Variants in ABCC6 observed in about 807,000 individuals in gnomAD.
ABCC6 encodes the protein ATP-binding cassette sub-family C member 6.
A neutral mutation model predicts 169.5 loss-of-function variants in ABCC6; 126 were observed. The observed-to-expected ratio is 0.74, with a 90% CI of 0.64 to 0.86. The LOEUF (loss-of-function observed/expected upper bound fraction) is 0.86. Among genes scored for constraint, ABCC6 ranks in the 40% least tolerant of loss-of-function variants. The pLI is 0.00. For synonymous variants in ABCC6, 752 were observed against 814.7 expected (o/e 0.92, Z 1.31); for missense variants, 1,733 against 1,927.2 (o/e 0.90, Z 1.89).
Position 16,150,010 on chromosome 16 carries a change from G to T in ABCC6, c.*123C>A. On this transcript the variant is annotated 3_prime_UTR_variant, in exon 31 of 31. Transcript: ENST00000205557. Reference sequence around the variant, plus strand: ...CACTTTCTCTGCCATTTTCCTCCCAGAGAGCAAACACAGGTCTAGACTCAA... The same window carrying T: ...CACTTTCTCTGCCATTTTCCTCCCATAGAGCAAACACAGGTCTAGACTCAA... The T allele has an allele frequency of 6.9e-7, 1 of 1,449,254 alleles. No individual in the cohort carries two copies. The highest frequency in any genetic ancestry group is 9.5e-7 in the Non-Finnish European group (1 of 1,056,462). 89.8% of individuals were successfully genotyped at this position (1,449,254 alleles called of 1,614,324 possible). A position where few individuals can be genotyped will look rare whatever the true frequency, so the allele number is the denominator to read the frequency against.
chr16:16,198,503 C>G (rs570107125), intron 9 of ABCC6, among the ~76,000 whole-genome samples: 6 of 152,104 alleles, frequency 3.9e-5, no homozygotes, highest in African/African-American at 1.4e-4. Flanking sequence ...TATCCTTTCC[C>G]GGGGTGCTCA....
chr16:16,153,170 G>A (rs943006595), intron 29 of ABCC6, among the ~76,000 whole-genome samples: 2 of 152,158 alleles, frequency 1.3e-5, no homozygotes, highest in Admixed American at 6.5e-5. Context: ...CTCCCATAGT[G>A]CTAGGATTAC....
At chr16:16,199,839 G>C (rs557336155) in intron 9 of ABCC6, among the ~76,000 whole-genome samples, 1 of 150,492 alleles carries the variant, frequency 6.6e-6, no homozygotes, top group Non-Finnish European at 1.5e-5. Flanking sequence ...AGGCTGAGGC[G>C]GGTGGATTGC....
chr16:16,219,393 A>G (rs2048999989), intron 4 of ABCC6, among the ~76,000 whole-genome samples, 161 bp downstream of exon 4: 1 of 152,230 alleles, frequency 6.6e-6, no homozygotes, highest in African/African-American at 2.4e-5. Context: ...GGGTACTGAC[A>G]GGTGCGGGAG....
intron 10 of ABCC6, among the ~76,000 whole-genome samples, chr16:16,194,676 G>GTTTATTTATTTA (rs993740990): frequency 6.6e-6 from 1 of 151,962 alleles, no homozygotes; most frequent in African/African-American, 2.4e-5. Flanking sequence ...GGAACACTAT[G>GTTTATTTATTTA]TTTATTTATT....
intron 17 of ABCC6, among the ~76,000 whole-genome samples, chr16:16,179,853 A>T (rs2047412236): frequency 6.6e-6 from 1 of 152,198 alleles, no homozygotes; most frequent in African/African-American, 2.4e-5. Flanking sequence ...GGCCTCCCAA[A>T]GTGCTGGGAT....
intron 24 of ABCC6, 128 bp from the exon 25 acceptor site, chr16:16,161,692 C>G: frequency 7.9e-7 from 1 of 1,264,132 alleles, no homozygotes; most frequent in South Asian, 1.3e-5. Flanking sequence ...CCTCCACATG[C>G]AACCCAGGCT....
At chr16:16,157,545 C>T in intron 27 of ABCC6, 118 bp downstream of exon 27, 1 of 1,350,780 alleles carries the variant, frequency 7.4e-7, no homozygotes, top group Admixed American at 1.9e-5. Context: ...GGTCTGAAAG[C>T]TAGGGGACCT....
Position 16,190,872 on chromosome 16 carries a change from G to A in ABCC6, c.1432-505C>T, listed in dbSNP as rs1024726181. On this transcript the variant is annotated intron_variant, in intron 11 of 30. Coordinates refer to ENST00000205557, the MANE Select transcript of ABCC6 (RefSeq NM_001171.6). Reference sequence around the variant, plus strand: ...CTGAGCAGGCAGAGGATGGGGGGATGGAGCTGGAGAAGAGGGAGGGGAGGG... The same window carrying A: ...CTGAGCAGGCAGAGGATGGGGGGATAGAGCTGGAGAAGAGGGAGGGGAGGG... Among the ~76,000 whole-genome samples, 9 of 132,974 alleles carry A rather than the reference G, an allele frequency of 6.8e-5. No individual in the cohort carries two copies. The South Asian group carries it at 2.5e-3, about 38-fold the overall frequency. 87.2% of individuals were successfully genotyped at this position (132,974 alleles called of 152,430 possible).
intron 9 of ABCC6, among the ~76,000 whole-genome samples, chr16:16,201,181 G>A (rs987167710): frequency 6.6e-6 from 1 of 152,126 alleles, no homozygotes; most frequent in Non-Finnish European, 1.5e-5. Context: ...TGGCCAGGCT[G>A]GTCTTGAACT....
rs747993729 is a variant in ABCC6, at chr16:16,159,518, C to T, written c.3699G>A (p.Val1233=). ...TCCAGGCATAGTCCTGCATCCGCTC[C>T]ACTGACACGATGCTGTTCTCTAGGT... is the stretch of plus-strand genomic sequence containing the variant. ...WTDLENSIVS[V]ERMQDYAWTP... Residue 1233 remains valine (V), a synonymous_variant, in exon 26 of 31, where the codon GTG becomes GTA. Coordinates refer to ENST00000205557, the MANE Select transcript of ABCC6 (RefSeq NM_001171.6). 1.2e-6 allele frequency: 2 copies of T among 1,614,060 alleles called. No homozygotes were observed. Among genetic ancestry groups the T allele is most frequent in the East Asian group, 2.2e-5 (1 of 44,898 alleles).
chr16:16,184,327 G>T (rs1761934805), intron 15 of ABCC6: 1 of 204,878 alleles, frequency 4.9e-6, no homozygotes, highest in Non-Finnish European at 1.1e-5. Context: ...CCTTGCTCTG[G>T]TTTTCTGTTT....
In ABCC6 at chr16:16,154,936, G is replaced by A. The variant is rs57499803; in HGVS notation, c.3978C>T (p.Asp1326=). The A allele has an allele frequency of 2.1e-4, 342 of 1,600,416 alleles. 1 individual carries two copies. The highest frequency in any genetic ancestry group is 2.1e-3 in the African/African-American group (157 of 74,670). ...GCCCCACGTGGGCAATGGGGACCCC[G>A]TCGATCCAGATCCCACCCTCAGCTG... ...QEAAEGGIWI[D]GVPIAHVGLH... Residue 1326 remains aspartate (D), a synonymous_variant, in exon 28 of 31, where the codon GAC becomes GAT. Transcript: ENST00000205557.
chr16:16,176,356 C>T (rs1262402028), intron 19 of ABCC6, among the ~76,000 whole-genome samples: 1 of 152,202 alleles, frequency 6.6e-6, no homozygotes, highest in Non-Finnish European at 1.5e-5. Flanking sequence ...GGTACCATCT[C>T]CCCTAGGAAG....
intron 17 of ABCC6, among the ~76,000 whole-genome samples, chr16:16,179,218 C>T (rs777389523): frequency 6.6e-6 from 1 of 152,208 alleles, no homozygotes; most frequent in Non-Finnish European, 1.5e-5. Context: ...CCAATCCACT[C>T]TGTCTCCTCC....
chr16:16,193,035 C>G, intron 10 of ABCC6, 113 bp from the exon 11 acceptor site: 1 of 859,210 alleles, frequency 1.2e-6, no homozygotes, highest in Non-Finnish European at 1.9e-6. Flanking sequence ...GAGGCTGAGA[C>G]CTACTGGGCT....
In ABCC6 at chr16:16,154,904, G is replaced by T. The variant is rs780504422; in HGVS notation, c.4010C>A (p.Thr1337Lys). ...GVPIAHVGLH[T>K]LRSRISIIPQ... ...GATGATGCTGATCCTGGAGCGCAGT[G>T]TGTGCAGCCCCACGTGGGCAATGGG... The change falls in exon 28 of 31, where the codon ACA becomes AAA. Residue 1337 changes from threonine to lysine, a missense_variant. Physicochemically the swap from Thr to Lys is moderately conservative, Grantham distance 78. Coordinates refer to ENST00000205557, the MANE Select transcript of ABCC6 (RefSeq NM_001171.6). The T allele has an allele frequency of 6.2e-7, 1 of 1,611,554 alleles. No homozygotes were observed. Among genetic ancestry groups the T allele is most frequent in the Non-Finnish European group, 8.5e-7 (1 of 1,179,024 alleles).
intron 27 of ABCC6, chr16:16,155,310 C>CTAT (rs766650660): frequency 1.6e-5 from 9 of 554,702 alleles, no homozygotes; most frequent in Non-Finnish European, 2.9e-5. Context: ...CCTCATCCTT[C>CTAT]TATTTACACC....
At chr16:16,152,192 C>A (rs1167569618) in intron 29 of ABCC6, among the ~76,000 whole-genome samples, 87 of 40,320 alleles carry the variant, frequency 2.2e-3, no homozygotes, top group South Asian at 4.0e-3. Context: ...GACTCTGTCT[C>A]AAAAAAAAAA....
Sources: gnomAD v4.1 joint callset for allele counts (sites outside exome capture counted in the v4.1 genomes callset) on GRCh38, gnomAD v4.1.1 for gene constraint, MANE v1.5 for transcripts, NCBI Gene and HGNC (gene_info 2026-07-23, HGNC 2026-07-21) for gene names.